Variants in MALRD1 observed in about 807,000 individuals in gnomAD.
MALRD1 encodes MAM and LDL-receptor class A domain-containing protein 1.
MALRD1 carries 247 observed loss-of-function variants against 242.1 expected under a neutral mutation model. That is an observed-to-expected ratio of 1.02 (90% confidence interval 0.92 to 1.13). The LOEUF (loss-of-function observed/expected upper bound fraction) is 1.13. Ranked by LOEUF, MALRD1 falls within the 50% of genes most tolerant of loss-of-function variation. The pLI is 0.00. For synonymous variants in MALRD1, 995 were observed against 866.6 expected (o/e 1.15, Z -2.60); for missense variants, 2,989 against 2,533.1 (o/e 1.18, Z -3.86).
intron 18 of MALRD1, among the ~76,000 whole-genome samples, chr10:19,237,238 C>T (rs1413428951): frequency 6.6e-6 from 1 of 151,370 alleles, no homozygotes; most frequent in Non-Finnish European, 1.5e-5. Context: ...ACTTATTCTT[C>T]CTATATAATT....
intron 1 of MALRD1, chr10:19,051,489 C>A: frequency 1.0e-5 from 2 of 193,564 alleles, no homozygotes; most frequent in South Asian, 2.2e-4. Context: ...GTAAAAGTCC[C>A]TCTCAATTTC....
At chr10:19,395,119 T>C (rs1445116052) in intron 28 of MALRD1, among the ~76,000 whole-genome samples, 2 of 152,172 alleles carry the variant, frequency 1.3e-5, no homozygotes, top group Non-Finnish European at 2.9e-5. Context: ...TTTTGTTATA[T>C]TGTACTAGTG....
At chr10:19,675,585 C>A (rs1052115011) in intron 36 of MALRD1, among the ~76,000 whole-genome samples, 1 of 152,174 alleles carries the variant, frequency 6.6e-6, no homozygotes, top group Admixed American at 6.5e-5. Context: ...TGTGTTTTAA[C>A]AAACTTTCCA....
intron 2 of MALRD1, among the ~76,000 whole-genome samples, chr10:19,079,487 G>C (rs555532314): frequency 1.3e-4 from 19 of 151,796 alleles, no homozygotes; most frequent in Non-Finnish European, 2.7e-4. Flanking sequence ...ATATGTATCT[G>C]TTAGGTCTAG....
chr10:19,116,955 C>T (rs11008523), intron 5 of MALRD1, among the ~76,000 whole-genome samples: 10 of 151,896 alleles, frequency 6.6e-5, no homozygotes, highest in East Asian at 1.9e-4. Flanking sequence ...ATTAGCCAGG[C>T]GTGGTGGCGG....
intron 28 of MALRD1, among the ~76,000 whole-genome samples, chr10:19,393,831 G>T (rs1176857000): frequency 6.6e-6 from 1 of 151,450 alleles, no homozygotes; most frequent in Non-Finnish European, 1.5e-5. Context: ...TTTTGAAATG[G>T]ACTTTGTTTT....
At position 19,595,471 on chromosome 10, in the gene MALRD1, A is replaced by G. The variant is rs564649420; in HGVS notation, c.5944+14A>G. The G allele has an allele frequency of 1.3e-5, 20 of 1,544,340 alleles. No homozygotes were observed. Among genetic ancestry groups the G allele is most frequent in the South Asian group, 1.1e-4 (9 of 83,640 alleles). On this transcript the variant is annotated intron_variant, in intron 34 of 39. Coordinates refer to ENST00000454679, the MANE Select transcript of MALRD1 (RefSeq NM_001142308.3). ...AGCTCATCTGCTGTGAGTTATTTTC[A>G]CTAACTCAATGTGTAAGGGAAGGCA... is the stretch of plus-strand genomic sequence containing the variant.
At chr10:19,144,811 G>T (rs965684434) in intron 10 of MALRD1, among the ~76,000 whole-genome samples, 6 of 147,398 alleles carry the variant, frequency 4.1e-5, no homozygotes, top group Non-Finnish European at 9.1e-5. Flanking sequence ...TTAGGAAATG[G>T]TATTTACTAT....
intron 36 of MALRD1, among the ~76,000 whole-genome samples, chr10:19,634,722 G>C (rs553597684): frequency 1.8e-4 from 28 of 152,160 alleles, no homozygotes; most frequent in Non-Finnish European, 3.5e-4. Context: ...GGACCTCAAC[G>C]TGGTTGCACA....
At chr10:19,419,415 C>T (rs1833635412) in intron 28 of MALRD1, among the ~76,000 whole-genome samples, 1 of 152,154 alleles carries the variant, frequency 6.6e-6, no homozygotes, top group Non-Finnish European at 1.5e-5. Context: ...CTGTATCAGC[C>T]CCCTGAGTAG....
chr10:19,398,877 T>G (rs1328074839), intron 28 of MALRD1, among the ~76,000 whole-genome samples: 1 of 152,208 alleles, frequency 6.6e-6, no homozygotes, highest in Non-Finnish European at 1.5e-5. Context: ...TAGAGCAGAC[T>G]AAGTATAAAT....
chr10:19,683,143 AAAG>A (rs547914969), intron 36 of MALRD1, among the ~76,000 whole-genome samples: 92 of 152,140 alleles, frequency 6.0e-4, no homozygotes, highest in African/African-American at 2.1e-3. Flanking sequence ...GGAAAAAAAA[AAAG>A]AAAGAAGTTT....
intron 31 of MALRD1, among the ~76,000 whole-genome samples, chr10:19,528,186 T>C (rs1037863190): frequency 6.6e-6 from 1 of 152,226 alleles, no homozygotes; most frequent in Non-Finnish European, 1.5e-5. Context: ...ACAATGAGGA[T>C]AGAAAACAGC....
At chr10:19,161,832 A>T (rs1280891657) in intron 12 of MALRD1, among the ~76,000 whole-genome samples, 1 of 152,168 alleles carries the variant, frequency 6.6e-6, no homozygotes, top group African/African-American at 2.4e-5. Flanking sequence ...GATCGAGATC[A>T]TCCTGGCCAA....
At chr10:19,134,083 G>C (rs892376607) in intron 9 of MALRD1, 135 bp downstream of exon 9, 3 of 399,940 alleles carry the variant, frequency 7.5e-6, no homozygotes, top group Middle Eastern at 6.6e-4. Flanking sequence ...TGGGGAGAGT[G>C]ATTGCTTACT....
At chr10:19,562,802 C>A (rs913656695) in intron 32 of MALRD1, among the ~76,000 whole-genome samples, 1 of 152,116 alleles carries the variant, frequency 6.6e-6, no homozygotes, top group Non-Finnish European at 1.5e-5. Context: ...GAAGCATGAA[C>A]CCTACTGTGA....
At chr10:19,303,632 A>C (rs1701614693) in intron 21 of MALRD1, among the ~76,000 whole-genome samples, 1 of 151,796 alleles carries the variant, frequency 6.6e-6, no homozygotes, top group African/African-American at 2.4e-5. Flanking sequence ...ACATACAAAA[A>C]CAAAAATAAA....
At position 19,531,194 on chromosome 10, in the gene MALRD1, G is replaced by A. The variant is rs548062604; in HGVS notation, c.5321G>A (p.Gly1774Asp). 1.5e-4 allele frequency: 227 copies of A among 1,544,620 alleles called. No individual in the cohort carries two copies. In the African/African-American group the frequency reaches 2.7e-3, roughly 19 times the overall value. The change falls in exon 32 of 40, where the codon GGT (glycine) becomes GAT (aspartate). Residue 1774 changes from glycine to aspartate, a missense_variant and splice_region_variant. Gly to Asp is a moderately conservative substitution (Grantham distance 94, BLOSUM62 -1). Transcript: ENST00000454679. ...ALIPDSDHTP[G>D]SGQHFLYVNS... ...AAAAATTTTGTTAATCTATTTCAAGGTAGTGGTCAGCACTTCCTGTACGTC... is the reference window on the plus strand; with the variant it reads ...AAAAATTTTGTTAATCTATTTCAAGATAGTGGTCAGCACTTCCTGTACGTC...
Position 19,065,632 on chromosome 10 carries a change from C to A in MALRD1, c.200-1087C>A, listed in dbSNP as rs566086275. Reference sequence around the variant, plus strand: ...TGAGGAACACAACCTGGGGAGGGACCATTTGTGGTTGAGATCATCTATTTT... The same window carrying A: ...TGAGGAACACAACCTGGGGAGGGACAATTTGTGGTTGAGATCATCTATTTT... On this transcript the variant is annotated intron_variant, in intron 1 of 39. Transcript: ENST00000454679. Among the ~76,000 whole-genome samples, 20 of 152,206 alleles carry A rather than the reference C, an allele frequency of 1.3e-4. No homozygotes were observed. In the East Asian group the frequency reaches 3.9e-3, roughly 29 times the overall value.
Sources: allele counts gnomAD v4.1 joint callset (sites outside exome capture counted in the v4.1 genomes callset), GRCh38; gene constraint gnomAD v4.1.1; transcripts MANE v1.5; gene names NCBI Gene and HGNC (gene_info 2026-07-23, HGNC 2026-07-21).